Variants in CNTN4 observed in about 807,000 individuals in gnomAD.
The protein encoded by CNTN4 is contactin-4.
A neutral mutation model predicts 122.5 loss-of-function variants in CNTN4; 77 were observed. The ratio of observed to expected loss-of-function variants is 0.63; its 90% confidence interval spans 0.52 to 0.76. The LOEUF (loss-of-function observed/expected upper bound fraction) is 0.76, where lower values mean the gene tolerates loss of function less well. Ranked by LOEUF, CNTN4 falls within the 30% of genes least tolerant of loss-of-function variation. The pLI, the probability that CNTN4 is intolerant of heterozygous loss-of-function variation, is 0.00. For synonymous variants in CNTN4, 512 were observed against 447.0 expected, an observed-to-expected ratio of 1.15 and a Z score of -1.83; for missense variants, 1,256 against 1,259.1, an observed-to-expected ratio of 1.00 and a Z score of 0.04.
intron 8 of CNTN4, among the ~76,000 whole-genome samples, chr3:2,879,971 A>AG (rs1394611303): frequency 1.3e-5 from 2 of 152,128 alleles, no homozygotes; most frequent in Non-Finnish European, 2.9e-5. Flanking sequence ...TACAGAGGAG[A>AG]GGGAAAGGCA....
chr3:2,277,163 A>G (rs2041544824), intron 2 of CNTN4, among the ~76,000 whole-genome samples: 2 of 152,212 alleles, frequency 1.3e-5, no homozygotes, highest in African/African-American at 4.8e-5. Context: ...AAAGGCTATA[A>G]GAGTTCATAA....
chr3:2,873,103 G>A (rs966362959), intron 8 of CNTN4, among the ~76,000 whole-genome samples: 1 of 152,126 alleles, frequency 6.6e-6, no homozygotes, highest in African/African-American at 2.4e-5. Context: ...AGTCAAGAGG[G>A]CAAGTAAAGG....
intron 3 of CNTN4, among the ~76,000 whole-genome samples, chr3:2,559,984 T>C (rs2078881936): frequency 6.6e-6 from 1 of 152,204 alleles, no homozygotes; most frequent in Non-Finnish European, 1.5e-5. Flanking sequence ...AATGTTCTAA[T>C]AGTTAGCTAT....
At chr3:2,794,819 C>T (rs1479186845) in intron 6 of CNTN4, among the ~76,000 whole-genome samples, 1 of 152,202 alleles carries the variant, frequency 6.6e-6, no homozygotes, top group Non-Finnish European at 1.5e-5. Flanking sequence ...TTAGGGCCTA[C>T]TTCCTGGTTC....
intron 4 of CNTN4, among the ~76,000 whole-genome samples, chr3:2,694,315 TAGTA>T (rs140402959): frequency 0.022 from 3,340 of 152,304 alleles, 126 homozygotes; most frequent in African/African-American, 0.075. Context: ...AGTAGGAAAT[TAGTA>T]AGTATTTGTT....
At chr3:3,044,888 G>A (rs544464166) in intron 23 of CNTN4, among the ~76,000 whole-genome samples, 1 of 152,326 alleles carries the variant, frequency 6.6e-6, no homozygotes, top group South Asian at 2.1e-4. Context: ...GACAGCACCT[G>A]GAAGATCAGG....
At chr3:2,357,600 A>C (rs1481547636) in intron 3 of CNTN4, among the ~76,000 whole-genome samples, 1 of 152,214 alleles carries the variant, frequency 6.6e-6, no homozygotes, top group African/African-American at 2.4e-5. Context: ...TTGTTGATTG[A>C]TACTAAAATT....
At chr3:2,781,371 A>G (rs2091560668) in intron 6 of CNTN4, among the ~76,000 whole-genome samples, 1 of 152,260 alleles carries the variant, frequency 6.6e-6, no homozygotes, top group Non-Finnish European at 1.5e-5. Flanking sequence ...GAGCAAGCAT[A>G]ATACTATGCT....
At chr3:2,523,016 A>G (rs893818830) in intron 3 of CNTN4, among the ~76,000 whole-genome samples, 1 of 152,122 alleles carries the variant, frequency 6.6e-6, no homozygotes, top group Non-Finnish European at 1.5e-5. Context: ...GATCTGGTAC[A>G]TCTTTGCCTG....
intron 3 of CNTN4, among the ~76,000 whole-genome samples, chr3:2,524,955 T>C (rs1442616524): frequency 6.6e-6 from 1 of 152,136 alleles, no homozygotes; most frequent in Non-Finnish European, 1.5e-5. Flanking sequence ...TCAACCTGTC[T>C]CTAAAATCCA....
At chr3:2,288,995 T>C (rs1428632954) in intron 2 of CNTN4, among the ~76,000 whole-genome samples, 1 of 152,050 alleles carries the variant, frequency 6.6e-6, no homozygotes, top group Non-Finnish European at 1.5e-5. Flanking sequence ...CATCTTAAGG[T>C]CTGAAAGGCC....
At chr3:2,430,930 C>T (rs1166376395) in intron 3 of CNTN4, among the ~76,000 whole-genome samples, 2 of 152,146 alleles carry the variant, frequency 1.3e-5, no homozygotes, top group Admixed American at 1.3e-4. Context: ...AGAATTGAAT[C>T]ATAATGCTAA....
chr3:2,941,268 C>G (rs1450900088), intron 13 of CNTN4, among the ~76,000 whole-genome samples: 1 of 152,134 alleles, frequency 6.6e-6, no homozygotes, highest in Non-Finnish European at 1.5e-5. Flanking sequence ...TCCACTTTGC[C>G]TCCTTTGCTC....
At chr3:2,952,419 C>T (rs545813820) in intron 13 of CNTN4, among the ~76,000 whole-genome samples, 1 of 152,290 alleles carries the variant, frequency 6.6e-6, no homozygotes, top group South Asian at 2.1e-4. Flanking sequence ...TAATAAGAAA[C>T]ACCTGCAATG....
chr3:2,665,025 A>C (rs2150322989), intron 4 of CNTN4, among the ~76,000 whole-genome samples: 1 of 152,278 alleles, frequency 6.6e-6, no homozygotes, highest in South Asian at 2.1e-4. Context: ...CTCTAACATC[A>C]AAACAAGGGC....
chr3:2,896,119 G>A (rs1323301892), intron 10 of CNTN4, among the ~76,000 whole-genome samples: 1 of 152,088 alleles, frequency 6.6e-6, no homozygotes, highest in Non-Finnish European at 1.5e-5. Flanking sequence ...TGAATTCAAG[G>A]AGAAAACAGG....
chr3:2,216,908 C>G lies in CNTN4; in HGVS notation c.-145+116269C>G, dbSNP rs549396319. Among the ~76,000 whole-genome samples the G allele has an allele frequency of 1.6e-4, 25 of 152,178 alleles. No individual in the cohort carries two copies. The South Asian group carries it at 5.2e-3, about 32-fold the overall frequency. Reference sequence around the variant, plus strand: ...GTTTGATGGAGCTGCAATCCACTACCCTTTAGCTCATTGGTGGGTTGTGCC... The same window carrying G: ...GTTTGATGGAGCTGCAATCCACTACGCTTTAGCTCATTGGTGGGTTGTGCC... On this transcript the variant is annotated intron_variant, in intron 2 of 24. Transcript: ENST00000418658.
chr3:2,596,732 T>C (rs904334977), intron 4 of CNTN4, among the ~76,000 whole-genome samples: 1 of 152,196 alleles, frequency 6.6e-6, no homozygotes, highest in Non-Finnish European at 1.5e-5. Context: ...CTAGGCGATT[T>C]GACTCTAAAG....
chr3:2,678,326 G>T (rs916660877), intron 4 of CNTN4, among the ~76,000 whole-genome samples: 5 of 151,880 alleles, frequency 3.3e-5, no homozygotes, highest in African/African-American at 1.2e-4. Context: ...TTTGATCCTT[G>T]GTCATGTTTA....
Sources: allele counts gnomAD v4.1 joint callset (sites outside exome capture counted in the v4.1 genomes callset), GRCh38; gene constraint gnomAD v4.1.1; transcripts MANE v1.5; gene names NCBI Gene and HGNC (gene_info 2026-07-23, HGNC 2026-07-21).